FOXP1: variants seen among roughly 807,000 people sequenced by gnomAD.
FOXP1 encodes the protein forkhead box P1.
A neutral mutation model predicts 98.2 loss-of-function variants in FOXP1; 15 were observed. The observed-to-expected ratio is 0.15, with a 90% CI of 0.10 to 0.24. The LOEUF (loss-of-function observed/expected upper bound fraction) is 0.24, where lower values mean the gene tolerates loss of function less well. FOXP1 is among the 10% of genes least tolerant of loss of function. The probability of loss-of-function intolerance (pLI) is 1.00; values close to 1 mark genes in which losing one functional copy is unlikely to be tolerated. For missense variants in FOXP1, 633 were observed against 848.5 expected, an observed-to-expected ratio of 0.75 and a Z score of 3.15; for synonymous variants, 371 against 314.5, an observed-to-expected ratio of 1.18 and a Z score of -1.90.
chr3:71,054,082 G>A (rs1437122465), intron 7 of FOXP1, among the ~76,000 whole-genome samples: 7 of 152,230 alleles, frequency 4.6e-5, no homozygotes, highest in Admixed American at 3.9e-4. Flanking sequence ...CTTATTGAGA[G>A]TGAGTTTTTG....
intron 7 of FOXP1, among the ~76,000 whole-genome samples, chr3:71,088,483 C>A (rs1345318263): frequency 6.6e-6 from 1 of 151,494 alleles, no homozygotes; most frequent in Middle Eastern, 3.2e-3. Flanking sequence ...ACTCTAGGTG[C>A]CTCACTCTAG....
At chr3:71,197,785 T>C in intron 6 of FOXP1, 1 of 1,208,528 alleles carries the variant, frequency 8.3e-7, no homozygotes, top group Non-Finnish European at 1.2e-6. Flanking sequence ...ATCTACTCTT[T>C]TTCTCTCTTT....
chr3:71,198,020 T>C, intron 6 of FOXP1, 182 bp downstream of exon 6: 1 of 1,614,230 alleles, frequency 6.2e-7, no homozygotes, highest in South Asian at 1.1e-5. Flanking sequence ...ATTAGTCTCT[T>C]AAGCCAACTG....
chr3:71,473,055 T>C (rs370038905), intron 3 of FOXP1, among the ~76,000 whole-genome samples: 1 of 152,234 alleles, frequency 6.6e-6, no homozygotes. Flanking sequence ...AGCCTAGCAC[T>C]AGAGCCTGTG....
intron 4 of FOXP1, among the ~76,000 whole-genome samples, chr3:71,303,555 T>C (rs938607945): frequency 6.6e-6 from 1 of 152,194 alleles, no homozygotes; most frequent in African/African-American, 2.4e-5. Context: ...TCTGTGGGCT[T>C]TAATATCTTG....
rs1553663140 is a variant in FOXP1, at chr3:70,972,669, A to G, written c.1538T>C (p.Val513Ala). 1 of 1,614,118 alleles carries G rather than the reference A, an allele frequency of 6.2e-7. No homozygotes were observed. The highest frequency in any genetic ancestry group is 8.5e-7 in the Non-Finnish European group (1 of 1,179,960). The change falls in exon 18 of 21, where the codon GTG becomes GCG. Residue 513 changes from valine to alanine, a missense_variant. By Grantham distance (64) the Val-to-Ala change is moderately conservative. This residue lies in a region of FOXP1 where 141 missense variants were observed against 199.5 expected (regional missense o/e 0.71). Transcript: ENST00000649528. ...CTTGTGAAGACTAAGATTATGACGC[A>G]CTGCATTCTGCAGCAAGTATAAAAG... is the stretch of plus-strand genomic sequence containing the variant. ...RRNAATWKNAVRHNLSLHKCF... is the reference protein window; with the variant it reads ...RRNAATWKNAARHNLSLHKCF...
At chr3:71,391,548 C>G (rs761580752) in intron 3 of FOXP1, among the ~76,000 whole-genome samples, 2 of 152,202 alleles carry the variant, frequency 1.3e-5, no homozygotes, top group Admixed American at 1.3e-4. Context: ...TTCGCTTGTG[C>G]GGGCCTCAAT....
At chr3:71,427,626 T>A (rs540066921) in intron 3 of FOXP1, among the ~76,000 whole-genome samples, 3 of 152,176 alleles carry the variant, frequency 2.0e-5, no homozygotes, top group Admixed American at 1.3e-4. Context: ...GCTATCACAA[T>A]TGTATGGACA....
At chr3:70,983,287 G>C (rs1318790620) in intron 14 of FOXP1, among the ~76,000 whole-genome samples, 1 of 152,042 alleles carries the variant, frequency 6.6e-6, no homozygotes, top group Non-Finnish European at 1.5e-5. Flanking sequence ...AAGGTTGGTG[G>C]GGGTGGGGCA....
intron 3 of FOXP1, among the ~76,000 whole-genome samples, chr3:71,468,841 C>T (rs1030842766): frequency 6.6e-6 from 1 of 152,152 alleles, no homozygotes; most frequent in African/African-American, 2.4e-5. Context: ...AGGAGAAGCA[C>T]CAGACAACTC....
chr3:71,027,290 T>C (rs2107852259), intron 11 of FOXP1, among the ~76,000 whole-genome samples: 1 of 152,320 alleles, frequency 6.6e-6, no homozygotes, highest in East Asian at 1.9e-4. Flanking sequence ...TAATTCTTAT[T>C]TTCTTCCCCT....
intron 11 of FOXP1, among the ~76,000 whole-genome samples, chr3:71,032,409 G>A (rs2046995727): frequency 6.6e-6 from 1 of 152,162 alleles, no homozygotes; most frequent in South Asian, 2.1e-4. Flanking sequence ...TTTCCCAAAG[G>A]AACGGTTATC....
intron 12 of FOXP1, among the ~76,000 whole-genome samples, chr3:71,010,701 G>A (rs2043463086): frequency 6.6e-6 from 1 of 152,006 alleles, no homozygotes; most frequent in Non-Finnish European, 1.5e-5. Flanking sequence ...AAAAGAAAGG[G>A]ACAACTGAAG....
intron 2 of FOXP1, among the ~76,000 whole-genome samples, chr3:71,519,413 C>A (rs1354952786): frequency 6.6e-6 from 1 of 152,146 alleles, no homozygotes; most frequent in African/African-American, 2.4e-5. Flanking sequence ...CTATTCTCTG[C>A]CATGAAGATC....
intron 6 of FOXP1, among the ~76,000 whole-genome samples, chr3:71,133,063 A>G (rs548575999): frequency 1.3e-3 from 204 of 152,310 alleles, no homozygotes; most frequent in Non-Finnish European, 2.6e-3. Flanking sequence ...TGTTGTTGCA[A>G]TTGTTAGATT....
intron 5 of FOXP1, among the ~76,000 whole-genome samples, chr3:71,241,865 T>C (rs189764633): frequency 3.3e-4 from 50 of 152,366 alleles, no homozygotes; most frequent in Middle Eastern, 3.4e-3. Context: ...ACAGCTGTAA[T>C]TGTCATGTAC....
intron 7 of FOXP1, among the ~76,000 whole-genome samples, chr3:71,110,504 G>A (rs1559948907): frequency 6.6e-6 from 1 of 152,152 alleles, no homozygotes; most frequent in Non-Finnish European, 1.5e-5. Flanking sequence ...CAAGAGGGAG[G>A]CAAAAAGAAT....
At chr3:71,443,913 T>C (rs569567107) in intron 3 of FOXP1, among the ~76,000 whole-genome samples, 21 of 152,224 alleles carry the variant, frequency 1.4e-4, no homozygotes, top group African/African-American at 4.3e-4. Flanking sequence ...TCTCTCCCAA[T>C]ATTCTATGAG....
At chr3:71,366,387 G>C (rs1323234636) in intron 3 of FOXP1, among the ~76,000 whole-genome samples, 1 of 152,100 alleles carries the variant, frequency 6.6e-6, no homozygotes, top group Non-Finnish European at 1.5e-5. Flanking sequence ...TAAAAATGGG[G>C]AAATGTGTGC....
Sources: gnomAD v4.1 joint callset for allele counts (sites outside exome capture counted in the v4.1 genomes callset) on GRCh38, gnomAD v4.1.1 for gene constraint, gnomAD v4.1.1 regional missense constraint, MANE v1.5 for transcripts, NCBI Gene and HGNC (gene_info 2026-07-23, HGNC 2026-07-21) for gene names.